Variants in CADM2 observed in about 807,000 individuals in gnomAD.
CADM2 encodes cell adhesion molecule 2, also known as immunoglobulin superfamily member 4D.
A neutral mutation model predicts 49.8 loss-of-function variants in CADM2; 12 were observed. The ratio of observed to expected loss-of-function variants is 0.24; its 90% CI spans 0.15 to 0.39. The LOEUF (loss-of-function observed/expected upper bound fraction) is 0.39. Ranked by LOEUF, CADM2 falls within the 10% of genes least tolerant of loss-of-function variation. The pLI is 1.00. For synonymous variants in CADM2, 214 were observed against 175.4 expected (o/e 1.22, Z -1.74); for missense variants, 378 against 492.3 (o/e 0.77, Z 2.20).
chr3:85,105,253 AAAAC>A (rs1190228247), intron 1 of CADM2, among the ~76,000 whole-genome samples: 2 of 152,146 alleles, frequency 1.3e-5, no homozygotes, highest in African/African-American at 2.4e-5. Flanking sequence ...TTACAAGGAA[AAAAC>A]AAACAACCCC....
chr3:85,948,000 T>C (rs982795140), intron 7 of CADM2, among the ~76,000 whole-genome samples: 105 of 151,596 alleles, frequency 6.9e-4, no homozygotes, highest in African/African-American at 2.4e-3. Flanking sequence ...TCTCAATACA[T>C]TGAAGACACC....
At chr3:86,031,792 G>C (rs144959099) in intron 8 of CADM2, among the ~76,000 whole-genome samples, 2 of 151,674 alleles carry the variant, frequency 1.3e-5, no homozygotes, top group Non-Finnish European at 1.5e-5. Flanking sequence ...TCAACAAAGC[G>C]AGAGTTAGAG....
At chr3:85,002,514 GACTGACA>G (rs1230222851) in intron 1 of CADM2, among the ~76,000 whole-genome samples, 1 of 152,152 alleles carries the variant, frequency 6.6e-6, no homozygotes, top group Non-Finnish European at 1.5e-5. Flanking sequence ...AGGAAGCATT[GACTGACA>G]AATTCTCAGA....
intron 1 of CADM2, among the ~76,000 whole-genome samples, chr3:85,345,177 T>C (rs2030464797): frequency 6.6e-6 from 1 of 151,630 alleles, no homozygotes; most frequent in East Asian, 1.9e-4. Context: ...TAGCTGAGCA[T>C]GGTGTGTGCA....
chr3:85,717,087 T>C (rs2067319899), intron 1 of CADM2, among the ~76,000 whole-genome samples: 1 of 152,164 alleles, frequency 6.6e-6, no homozygotes, highest in Admixed American at 6.6e-5. Flanking sequence ...TACTTTGGGC[T>C]GTATGGCCAT....
intron 1 of CADM2, among the ~76,000 whole-genome samples, chr3:85,092,471 C>T (rs1376843811): frequency 5.3e-5 from 8 of 152,164 alleles, no homozygotes; most frequent in Non-Finnish European, 1.0e-4. Flanking sequence ...TTCACAACCT[C>T]ATCCTCAGCA....
chr3:84,993,637 T>C (rs2033018188), intron 1 of CADM2, among the ~76,000 whole-genome samples: 1 of 152,154 alleles, frequency 6.6e-6, no homozygotes, highest in Non-Finnish European at 1.5e-5. Flanking sequence ...TTCCTAGAGT[T>C]AAAATTTGAA....
At chr3:85,163,638 CT>C (rs1412965420) in intron 1 of CADM2, among the ~76,000 whole-genome samples, 2 of 152,134 alleles carry the variant, frequency 1.3e-5, no homozygotes, top group Non-Finnish European at 2.9e-5. Context: ...ATTAGAACAG[CT>C]TGTGTTAAAA....
intron 1 of CADM2, among the ~76,000 whole-genome samples, chr3:85,680,324 T>A (rs1000285130): frequency 6.6e-6 from 1 of 152,182 alleles, no homozygotes; most frequent in Non-Finnish European, 1.5e-5. Flanking sequence ...GAATTTTGAC[T>A]AAGCTTCCTC....
intron 8 of CADM2, among the ~76,000 whole-genome samples, chr3:86,062,881 T>C (rs886755622): frequency 1.3e-4 from 20 of 152,132 alleles, no homozygotes; most frequent in Non-Finnish European, 2.8e-4. Flanking sequence ...TCTTCAACTT[T>C]CATCTCCTGA....
chr3:85,298,261 G>C (rs2044014631), intron 1 of CADM2, among the ~76,000 whole-genome samples: 1 of 152,018 alleles, frequency 6.6e-6, no homozygotes, highest in Non-Finnish European at 1.5e-5. Flanking sequence ...TGAACACAGA[G>C]AGAGCTGTCA....
chr3:85,354,120 G>A (rs910788738), intron 1 of CADM2, among the ~76,000 whole-genome samples: 3 of 151,230 alleles, frequency 2.0e-5, no homozygotes, highest in Non-Finnish European at 4.4e-5. Flanking sequence ...TCAGCTACAT[G>A]GCACAATGAA....
rs139257494 is a variant in CADM2 at position 85,431,860 on chromosome 3, C to CATATGTGTATATATATATATATATAT, written c.62-294658_62-294657insGTGTATATATATATATATATATATAT. Among the ~76,000 whole-genome samples, 7 of 51,812 alleles carry CATATGTGTATATATATATATATATAT rather than the reference C, an allele frequency of 1.4e-4. 1 individual carries two copies. The highest frequency in any genetic ancestry group is 2.2e-4 in the African/African-American group (4 of 18,284). 34.0% of individuals were successfully genotyped at this position (51,812 alleles called of 152,430 possible). A position where few individuals can be genotyped will look rare whatever the true frequency, so the allele number is the denominator to read the frequency against. On this transcript the variant is annotated intron_variant, in intron 1 of 9. Coordinates refer to ENST00000383699, the MANE Select transcript of CADM2 (RefSeq NM_001167675.2). ...AACACCATGGTCTTATGCTTAATTG[C>CATATGTGTATATATATATATATATAT]ATATATATATATGCCATGCTCTTTC...
At chr3:85,669,354 A>G (rs2065669005) in intron 1 of CADM2, among the ~76,000 whole-genome samples, 1 of 152,138 alleles carries the variant, frequency 6.6e-6, no homozygotes, top group Non-Finnish European at 1.5e-5. Context: ...TGCTTGATGC[A>G]TTTACTTGAT....
chr3:85,476,659 T>A (rs2038987786), intron 1 of CADM2, among the ~76,000 whole-genome samples: 1 of 151,988 alleles, frequency 6.6e-6, no homozygotes, highest in Non-Finnish European at 1.5e-5. Context: ...TAAAAGTCTA[T>A]CCCTTCATTT....
chr3:85,698,509 T>C (rs1577110050), intron 1 of CADM2, among the ~76,000 whole-genome samples: 2 of 152,120 alleles, frequency 1.3e-5, no homozygotes. Flanking sequence ...CTTCTGCTTC[T>C]GGGGAAGCCT....
chr3:85,572,950 C>T (rs1490091644), intron 1 of CADM2, among the ~76,000 whole-genome samples: 2 of 151,990 alleles, frequency 1.3e-5, no homozygotes, highest in Non-Finnish European at 1.5e-5. Flanking sequence ...ATTTCTTAAT[C>T]CAGACAAGTT....
chr3:85,232,814 C>T (rs1372616622), intron 1 of CADM2, among the ~76,000 whole-genome samples: 1 of 152,120 alleles, frequency 6.6e-6, no homozygotes, highest in East Asian at 1.9e-4. Context: ...ATGGTATAGT[C>T]ACTTTGTAAG....
At chr3:85,064,815 G>C (rs1045337422) in intron 1 of CADM2, among the ~76,000 whole-genome samples, 2 of 152,074 alleles carry the variant, frequency 1.3e-5, no homozygotes, top group African/African-American at 4.8e-5. Flanking sequence ...TTCCTAGCAA[G>C]GGGGACGACA....
Sources: allele counts gnomAD v4.1 joint callset (sites outside exome capture counted in the v4.1 genomes callset), GRCh38; gene constraint gnomAD v4.1.1; transcripts MANE v1.5; gene names NCBI Gene and HGNC (gene_info 2026-07-23, HGNC 2026-07-21).